DPP10: variants seen among roughly 807,000 people sequenced by gnomAD.
The protein encoded by DPP10 is inactive dipeptidyl peptidase 10.
DPP10 carries 33 observed loss-of-function variants against 120.9 expected under a neutral mutation model. The observed-to-expected ratio is 0.27, with a 90% CI of 0.21 to 0.37. The LOEUF (loss-of-function observed/expected upper bound fraction) is 0.37. Among genes scored for constraint, DPP10 ranks in the 10% least tolerant of loss-of-function variants. The pLI is 1.00. For missense variants in DPP10, 816 were observed against 942.8 expected (o/e 0.87, Z 1.76); for synonymous variants, 337 against 326.1 (o/e 1.03, Z -0.36).
chr2:115,397,695 TTTC>T (rs2067781078), intron 3 of DPP10, among the ~76,000 whole-genome samples: 4 of 152,206 alleles, frequency 2.6e-5, no homozygotes, highest in African/African-American at 9.6e-5. Flanking sequence ...TCCACTTTAG[TTTC>T]TGACTAATTC....
chr2:114,658,777 T>A (rs1427718992), intron 1 of DPP10, among the ~76,000 whole-genome samples: 1 of 152,182 alleles, frequency 6.6e-6, no homozygotes, highest in Non-Finnish European at 1.5e-5. Context: ...TGTGATTGAA[T>A]GTAATTATTA....
At chr2:114,751,753 C>T (rs1679248432) in intron 1 of DPP10, among the ~76,000 whole-genome samples, 1 of 152,202 alleles carries the variant, frequency 6.6e-6, no homozygotes, top group African/African-American at 2.4e-5. Context: ...CAGCCTCACT[C>T]TCCAAATTGT....
intron 3 of DPP10, among the ~76,000 whole-genome samples, chr2:115,442,363 T>TTTG (rs2072153139): frequency 6.8e-6 from 1 of 147,260 alleles, no homozygotes; most frequent in Non-Finnish European, 1.5e-5. Flanking sequence ...GTGTGTGTGT[T>TTTG]TGTGTGTGTG....
intron 5 of DPP10, among the ~76,000 whole-genome samples, chr2:115,659,854 C>T (rs1443811002): frequency 2.6e-5 from 4 of 152,096 alleles, no homozygotes; most frequent in Non-Finnish European, 5.9e-5. Flanking sequence ...TATTAATTAA[C>T]CATATCCTAA....
intron 1 of DPP10, among the ~76,000 whole-genome samples, chr2:114,921,718 G>T (rs1318507794): frequency 6.6e-6 from 1 of 152,078 alleles, no homozygotes; most frequent in African/African-American, 2.4e-5. Context: ...TTATTAGTTT[G>T]ACTTCACCTT....
chr2:114,784,937 G>A (rs1682640921), intron 1 of DPP10, among the ~76,000 whole-genome samples: 1 of 152,192 alleles, frequency 6.6e-6, no homozygotes, highest in South Asian at 2.1e-4. Context: ...TGAGAGGCCT[G>A]CAATTCTTAT....
At chr2:114,914,421 G>T (rs913234600) in intron 1 of DPP10, among the ~76,000 whole-genome samples, 2 of 152,136 alleles carry the variant, frequency 1.3e-5, no homozygotes, top group Non-Finnish European at 2.9e-5. Flanking sequence ...TTAAAGATAA[G>T]AAATCCCAAA....
intron 3 of DPP10, among the ~76,000 whole-genome samples, chr2:115,370,825 G>A (rs568048653): frequency 1.3e-5 from 2 of 151,960 alleles, no homozygotes; most frequent in African/African-American, 2.4e-5. Flanking sequence ...TGGGGTACGC[G>A]TTAAGTATTG....
chr2:115,468,801 G>A (rs1396638084), intron 3 of DPP10: 1 of 460,502 alleles, frequency 2.2e-6, no homozygotes, highest in African/African-American at 2.0e-5. Context: ...TGGTCTCAAG[G>A]TGTGCAGGTG....
intron 5 of DPP10, among the ~76,000 whole-genome samples, chr2:115,542,308 T>C (rs2079221666): frequency 6.6e-6 from 1 of 151,986 alleles, no homozygotes; most frequent in African/African-American, 2.4e-5. Context: ...TTAGGAATGA[T>C]ATATAAACAG....
chr2:115,168,875 A>G (rs2105038907), intron 1 of DPP10, among the ~76,000 whole-genome samples: 1 of 152,340 alleles, frequency 6.6e-6, no homozygotes, highest in Non-Finnish European at 1.5e-5. Context: ...GCCAGGCTAA[A>G]TACAGAAAAC....
chr2:115,400,194 A>G (rs2067967759), intron 3 of DPP10, among the ~76,000 whole-genome samples: 1 of 152,152 alleles, frequency 6.6e-6, no homozygotes, highest in African/African-American at 2.4e-5. Context: ...CGCCTCCAGC[A>G]CTGGGATTAC....
At chr2:115,454,117 C>T (rs1325387103) in intron 3 of DPP10, among the ~76,000 whole-genome samples, 1 of 151,338 alleles carries the variant, frequency 6.6e-6, no homozygotes, top group Non-Finnish European at 1.5e-5. Context: ...ATCTCATGGC[C>T]TTATTCAAAA....
chr2:114,697,077 A>G (rs1336005179), intron 1 of DPP10, among the ~76,000 whole-genome samples: 2 of 152,084 alleles, frequency 1.3e-5, no homozygotes, highest in African/African-American at 4.8e-5. Context: ...CACTAGAATG[A>G]TAGTGTACCT....
intron 5 of DPP10, among the ~76,000 whole-genome samples, chr2:115,649,804 C>G (rs934284364): frequency 1.3e-5 from 2 of 152,010 alleles, no homozygotes; most frequent in African/African-American, 4.8e-5. Flanking sequence ...AATAAATATA[C>G]ATCCATTCTT....
At chr2:114,491,726 T>C (rs991684747) in intron 1 of DPP10, among the ~76,000 whole-genome samples, 1 of 152,230 alleles carries the variant, frequency 6.6e-6, no homozygotes, top group African/African-American at 2.4e-5. Flanking sequence ...TCAAGATGAA[T>C]ACATGTCAGG....
chr2:115,178,468 C>T (rs185105237), intron 1 of DPP10, among the ~76,000 whole-genome samples: 10 of 152,324 alleles, frequency 6.6e-5, no homozygotes, highest in Middle Eastern at 3.4e-3. Context: ...ATTACTACCA[C>T]GACTACTATG....
At position 114,544,563 on chromosome 2, in the gene DPP10, A is replaced by G. The variant is rs185516831; in HGVS notation, c.60+101725A>G. Reference sequence around the variant, plus strand: ...TGGCTTCTCTTTGTCAGCATTTGTTAAATGGCCTTTTGTAGAGTATAGACC... The same window carrying G: ...TGGCTTCTCTTTGTCAGCATTTGTTGAATGGCCTTTTGTAGAGTATAGACC... On this transcript the variant is annotated intron_variant, in intron 1 of 25. Transcript: ENST00000410059. Among the ~76,000 whole-genome samples, 359 of 152,294 alleles carry G rather than the reference A, an allele frequency of 2.4e-3. 2 individuals are homozygous for G. Among genetic ancestry groups the G allele is most frequent in the African/African-American group, 8.1e-3 (336 of 41,560 alleles).
At chr2:115,479,978 G>A (rs2075328778) in intron 3 of DPP10, among the ~76,000 whole-genome samples, 1 of 152,102 alleles carries the variant, frequency 6.6e-6, no homozygotes, top group Non-Finnish European at 1.5e-5. Flanking sequence ...TCCCCTAATA[G>A]AACAAATTCT....
Sources: gnomAD v4.1 joint callset for allele counts (sites outside exome capture counted in the v4.1 genomes callset) on GRCh38, gnomAD v4.1.1 for gene constraint, MANE v1.5 for transcripts, NCBI Gene and HGNC (gene_info 2026-07-23, HGNC 2026-07-21) for gene names.